Variants in GIPC2 observed in about 807,000 individuals in gnomAD.
The protein encoded by GIPC2 is PDZ domain-containing protein GIPC2.
A neutral mutation model predicts 30.6 loss-of-function variants in GIPC2; 30 were observed. The ratio of observed to expected loss-of-function variants is 0.98; its 90% CI spans 0.73 to 1.33. GIPC2 has a LOEUF of 1.33. GIPC2 is among the 40% of genes most tolerant of loss of function. The pLI is 0.00. For synonymous variants in GIPC2, 167 were observed against 150.0 expected, an observed-to-expected ratio of 1.11 and a Z score of -0.83; for missense variants, 414 against 390.3, an observed-to-expected ratio of 1.06 and a Z score of -0.51.
intron 1 of GIPC2, among the ~76,000 whole-genome samples, chr1:78,077,935 T>C (rs1661745538): frequency 6.6e-6 from 1 of 152,028 alleles, no homozygotes; most frequent in Non-Finnish European, 1.5e-5. Context: ...ACGCCTGTAA[T>C]CCCAGCACTT....
chr1:78,045,843 C>T, upstream of GIPC2: 1 of 1,286,788 alleles, frequency 7.8e-7, no homozygotes, highest in Non-Finnish European at 9.8e-7. Context: ...AGGGATAAAC[C>T]TGGTGATAGG....
rs117623227 is a variant in GIPC2 at position 78,051,997 on chromosome 1, C to G, written c.240+5663C>G. Among the ~76,000 whole-genome samples, 4 of 152,242 alleles carry G rather than the reference C, an allele frequency of 2.6e-5. No individual in the cohort carries two copies. The East Asian group carries it at 7.7e-4, about 29-fold the overall frequency. On this transcript the variant is annotated intron_variant, in intron 1 of 5. Transcript: ENST00000370759. ...CTGCTCTAAACCTTTCATGGCTTCC[C>G]CTCTCACTTGGAACAAACCAAAATA...
At chr1:78,052,763 T>C (rs1028997248) in intron 1 of GIPC2, among the ~76,000 whole-genome samples, 4 of 152,192 alleles carry the variant, frequency 2.6e-5, no homozygotes, top group Non-Finnish European at 5.9e-5. Flanking sequence ...ACTTCCTAAA[T>C]GAGTTACAGC....
At chr1:78,064,808 A>G (rs747241351) in intron 1 of GIPC2, among the ~76,000 whole-genome samples, 9 of 147,960 alleles carry the variant, frequency 6.1e-5, no homozygotes, top group Non-Finnish European at 1.0e-4. Flanking sequence ...TGGTGGCACA[A>G]TCTTGGCTCA....
intron 3 of GIPC2, among the ~76,000 whole-genome samples, chr1:78,098,847 G>T (rs1449912132): frequency 6.6e-6 from 1 of 152,134 alleles, no homozygotes; most frequent in Non-Finnish European, 1.5e-5. Flanking sequence ...CTATCTATCT[G>T]TAAGTCAAGG....
chr1:78,092,143 C>T, intron 2 of GIPC2: 1 of 809,246 alleles, frequency 1.2e-6, no homozygotes, highest in Non-Finnish European at 2.1e-6. Flanking sequence ...ATGGGAGACA[C>T]ACAAGATGTT....
In GIPC2 at chr1:78,136,674, T is replaced by C. The variant is rs1330162765; in HGVS notation, c.*931T>C. On this transcript the variant is annotated 3_prime_UTR_variant, in exon 6 of 6. Coordinates refer to ENST00000370759, the MANE Select transcript of GIPC2 (RefSeq NM_017655.6). Reference sequence around the variant, plus strand: ...TTAGTTCCCTAAACTTTAGAAGAAATGCTATCAGAAATAGATTTCCTTCCA... The same window carrying C: ...TTAGTTCCCTAAACTTTAGAAGAAACGCTATCAGAAATAGATTTCCTTCCA... 7.3e-6 allele frequency: 1 copy of C among 137,874 alleles called. No individual in the cohort carries two copies. Among genetic ancestry groups the C allele is most frequent in the Non-Finnish European group, 1.5e-5 (1 of 65,260 alleles). 8.5% of individuals were successfully genotyped at this position (137,874 alleles called of 1,614,324 possible).
chr1:78,083,037 A>G (rs960270125), intron 2 of GIPC2, among the ~76,000 whole-genome samples: 3 of 152,188 alleles, frequency 2.0e-5, no homozygotes, highest in Admixed American at 1.3e-4. Context: ...CAGTACAATT[A>G]TGAAATTCAT....
chr1:78,087,487 G>A (rs1248223936), intron 2 of GIPC2, among the ~76,000 whole-genome samples: 1 of 152,158 alleles, frequency 6.6e-6, no homozygotes, highest in Non-Finnish European at 1.5e-5. Context: ...ACAAAAATAA[G>A]CAATGGGGAA....
upstream of GIPC2, chr1:78,045,878 C>G (rs913627950): frequency 7.6e-7 from 1 of 1,323,248 alleles, no homozygotes; most frequent in African/African-American, 1.5e-5. Context: ...AACTTTCTTT[C>G]TCTCCAGATC....
chr1:78,047,466 A>T (rs1661116505), intron 1 of GIPC2, among the ~76,000 whole-genome samples: 1 of 152,208 alleles, frequency 6.6e-6, no homozygotes, highest in African/African-American at 2.4e-5. Context: ...TCGCAAACCC[A>T]TCTGTGAATT....
At chr1:78,092,895 C>T (rs941882192) in intron 2 of GIPC2, 2 of 152,170 alleles carry the variant, frequency 1.3e-5, no homozygotes, top group African/African-American at 4.8e-5. Context: ...TGAGGCATCT[C>T]TAGGATTACT....
At chr1:78,129,202 ATGTAATCAGTTACCTAGAGAGGTAAAG>A (rs1177413875) in intron 5 of GIPC2, among the ~76,000 whole-genome samples, 3 of 152,226 alleles carry the variant, frequency 2.0e-5, no homozygotes, top group Non-Finnish European at 4.4e-5. Flanking sequence ...ATGATTAGCA[ATGTAATCAGTTACCTAGAGAGGTAAAG>A]TGTAAGGAAA....
At chr1:78,054,368 A>G (rs1265484717) in intron 1 of GIPC2, among the ~76,000 whole-genome samples, 1 of 152,238 alleles carries the variant, frequency 6.6e-6, no homozygotes, top group Non-Finnish European at 1.5e-5. Flanking sequence ...ATAAAAGTAG[A>G]TAATGGATAT....
At chr1:78,124,820 A>G (rs1055609327) in intron 4 of GIPC2, among the ~76,000 whole-genome samples, 1 of 152,170 alleles carries the variant, frequency 6.6e-6, no homozygotes, top group African/African-American at 2.4e-5. Flanking sequence ...AGCCTGGCCA[A>G]CATGGTGAAA....
chr1:78,055,263 C>T (rs569430010), intron 1 of GIPC2, among the ~76,000 whole-genome samples: 2 of 152,252 alleles, frequency 1.3e-5, no homozygotes, highest in South Asian at 4.1e-4. Flanking sequence ...ACCCTCATGA[C>T]CCAGTCACCT....
At chr1:78,099,773 G>A (rs1181031201) in intron 3 of GIPC2, among the ~76,000 whole-genome samples, 1 of 152,056 alleles carries the variant, frequency 6.6e-6, no homozygotes, top group Non-Finnish European at 1.5e-5. Context: ...TTTGAGTTGA[G>A]TCTGAAGGTA....
intron 1 of GIPC2, among the ~76,000 whole-genome samples, chr1:78,071,765 C>T (rs759783202): frequency 1.8e-4 from 28 of 152,144 alleles, no homozygotes; most frequent in Admixed American, 2.6e-4. Flanking sequence ...ATATTTACAT[C>T]ACAGCTACAG....
intron 1 of GIPC2, among the ~76,000 whole-genome samples, chr1:78,054,541 C>A (rs1661252766): frequency 6.6e-6 from 1 of 152,218 alleles, no homozygotes; most frequent in East Asian, 1.9e-4. Flanking sequence ...CTCAACCATT[C>A]ATTCTCTGTA....
Sources: gnomAD v4.1 joint callset for allele counts (sites outside exome capture counted in the v4.1 genomes callset) on GRCh38, gnomAD v4.1.1 for gene constraint, MANE v1.5 for transcripts, NCBI Gene and HGNC (gene_info 2026-07-23, HGNC 2026-07-21) for gene names.